The following CHRNB3 variants were observed in gnomAD, a reference collection of about 807,000 sequenced individuals.
CHRNB3 encodes neuronal acetylcholine receptor subunit beta-3.
CHRNB3 carries 37 observed loss-of-function variants against 40.6 expected under a neutral mutation model. The ratio of observed to expected loss-of-function variants is 0.91; its 90% confidence interval spans 0.70 to 1.20. The LOEUF is 1.20. CHRNB3 is among the 50% of genes most tolerant of loss of function. The pLI, the probability that CHRNB3 is intolerant of heterozygous loss-of-function variation, is 0.00. For synonymous variants in CHRNB3, 207 were observed against 207.1 expected (o/e 1.00, Z 0.00); for missense variants, 505 against 551.2 (o/e 0.92, Z 0.84).
At chr8:42,709,025 A>C (rs995902592) in intron 2 of CHRNB3, among the ~76,000 whole-genome samples, 157 bp downstream of exon 2, 1 of 152,178 alleles carries the variant, frequency 6.6e-6, no homozygotes, top group Non-Finnish European at 1.5e-5. Flanking sequence ...AAATGACCCA[A>C]GGAAAGAACG....
At chr8:42,718,853 A>G (rs912899441) in intron 3 of CHRNB3, among the ~76,000 whole-genome samples, 3 of 152,058 alleles carry the variant, frequency 2.0e-5, no homozygotes, top group African/African-American at 7.3e-5. Context: ...GGGATTATAT[A>G]TATTTGATAT....
At chr8:42,708,607 A>G in intron 1 of CHRNB3, 110 bp from the exon 2 acceptor site, 1 of 1,255,162 alleles carries the variant, frequency 8.0e-7, no homozygotes, top group Non-Finnish European at 1.1e-6. Flanking sequence ...GCTGTTTAGA[A>G]ACAGACACAG....
chr8:42,699,051 T>C (rs1815730381), intron 1 of CHRNB3, among the ~76,000 whole-genome samples: 1 of 152,264 alleles, frequency 6.6e-6, no homozygotes, highest in African/African-American at 2.4e-5. Flanking sequence ...CATCTGTATT[T>C]CTAGATCCAT....
At position 42,717,369 on chromosome 8, in the gene CHRNB3, G is replaced by C. The variant is rs546545551; in HGVS notation, c.249+6935G>C. Reference sequence around the variant, plus strand: ...AGCCTGGGTGACAGAGCGAGACTCCGTCTCAAAAAAAAAAAAAAAAAAAAA... The same window carrying C: ...AGCCTGGGTGACAGAGCGAGACTCCCTCTCAAAAAAAAAAAAAAAAAAAAA... On this transcript the variant is annotated intron_variant, in intron 3 of 5. Coordinates refer to ENST00000289957, the MANE Select transcript of CHRNB3 (RefSeq NM_000749.5). Among the ~76,000 whole-genome samples the C allele has an allele frequency of 5.7e-4, 6 of 10,576 alleles. No individual in the cohort carries two copies. The Middle Eastern group carries it at 0.3, about 529-fold the overall frequency. 6.9% of individuals were successfully genotyped at this position (10,576 alleles called of 152,430 possible). A position where few individuals can be genotyped will look rare whatever the true frequency, so the allele number is the denominator to read the frequency against.
chr8:42,734,420 ATTT>A (rs1296315067), intron 5 of CHRNB3, among the ~76,000 whole-genome samples: 1 of 138,618 alleles, frequency 7.2e-6, no homozygotes. Context: ...TGATGAAAGA[ATTT>A]TTTTTTTTTT....
intron 3 of CHRNB3, among the ~76,000 whole-genome samples, chr8:42,726,601 C>T (rs760685247): frequency 2.0e-5 from 3 of 151,724 alleles, no homozygotes; most frequent in Non-Finnish European, 4.4e-5. Flanking sequence ...CAAGTTCAAG[C>T]GGTTCTCCTA....
intron 1 of CHRNB3, chr8:42,705,703 C>G (rs1815910000): frequency 3.9e-5 from 6 of 152,244 alleles, no homozygotes. Flanking sequence ...AAGTGCCTTT[C>G]AAACAATATT....
chr8:42,732,561 G>A lies in CHRNB3; in HGVS notation c.1242+12G>A. The stretch of plus-strand genomic sequence containing the variant: ...ATTTTATCAGCCAGGTGAGTAAACT[G>A]GTATTCCTGATAATGCTGCCGTAAA... On this transcript the variant is annotated intron_variant, in intron 5 of 5. Transcript: ENST00000289957. The A allele has an allele frequency of 6.4e-7, 1 of 1,562,490 alleles. No homozygotes were observed. The highest frequency in any genetic ancestry group is 1.2e-5 in the South Asian group (1 of 80,202).
Position 42,730,957 on chromosome 8 carries a change from A to C in CHRNB3, c.359+254A>C, listed in dbSNP as rs934220215. The stretch of plus-strand genomic sequence containing the variant: ...CAGCTACTCGGGAGGCTGAGGCAGG[A>C]GAATGGCGTGAACCCGGGAAGCGGA... On this transcript the variant is annotated intron_variant, in intron 4 of 5. Transcript: ENST00000289957. Among the ~76,000 whole-genome samples, 13 of 147,398 alleles carry C rather than the reference A, an allele frequency of 8.8e-5. 2 individuals are homozygous for C. The highest frequency in any genetic ancestry group is 2.5e-4 in the African/African-American group (10 of 39,274).
In CHRNB3 at chr8:42,732,321, C is replaced by T; in HGVS notation, c.1014C>T (p.Leu338=). The T allele has an allele frequency of 6.2e-7, 1 of 1,606,606 alleles. No homozygotes were observed. The change falls in exon 5 of 6, where the codon CTC becomes CTT. Residue 338 remains leucine (L), a synonymous_variant. Transcript: ENST00000289957. ...CCATGGCCCCCTGGGTTAAGAGGCT[C>T]TTTCTGCAGAAACTTCCAAAATTAC... is the stretch of plus-strand genomic sequence containing the variant. ...YHPMAPWVKR[L]FLQKLPKLLC...
At chr8:42,722,111 C>T (rs377548970) in intron 3 of CHRNB3, among the ~76,000 whole-genome samples, 12 of 152,234 alleles carry the variant, frequency 7.9e-5, no homozygotes, top group Middle Eastern at 3.4e-3. Context: ...TGGTGGCTCA[C>T]GCCTGTAATC....
intron 5 of CHRNB3, among the ~76,000 whole-genome samples, chr8:42,734,021 G>A (rs139349237): frequency 0.011 from 1,733 of 150,952 alleles, 42 homozygotes; most frequent in African/African-American, 0.04. Context: ...ACTTTGGGAG[G>A]CCAAGGTGAG....
chr8:42,709,718 G>A (rs959051164), intron 2 of CHRNB3, among the ~76,000 whole-genome samples: 1 of 152,178 alleles, frequency 6.6e-6, no homozygotes, highest in Non-Finnish European at 1.5e-5. Context: ...TGCAACCTCC[G>A]TTTCCCAGGT....
At chr8:42,725,767 C>T (rs564863823) in intron 3 of CHRNB3, 28 of 916,872 alleles carry the variant, frequency 3.1e-5, no homozygotes, top group African/African-American at 2.9e-4. Context: ...GACTTGTCCA[C>T]GTTTCAAAAT....
chr8:42,703,989 CT>C (rs957888545), intron 1 of CHRNB3, among the ~76,000 whole-genome samples: 2 of 152,150 alleles, frequency 1.3e-5, no homozygotes, highest in Non-Finnish European at 2.9e-5. Flanking sequence ...TAATCTTTGG[CT>C]TTTTTTATTA....
At chr8:42,708,422 C>T (rs1342194364) in intron 1 of CHRNB3, among the ~76,000 whole-genome samples, 3 of 151,918 alleles carry the variant, frequency 2.0e-5, no homozygotes, top group Admixed American at 6.6e-5. Flanking sequence ...GCCGAGATCG[C>T]GCCAATGCAC....
At position 42,731,948 on chromosome 8, in the gene CHRNB3, G is replaced by T. The variant is rs1425720573; in HGVS notation, c.641G>T (p.Arg214Met). Reference sequence around the variant, plus strand: ...GCAAAGGGGATGAAGGGGAACAGAAGGGACGGCGTGTACTCCTATCCCTTT... The same window carrying T: ...GCAAAGGGGATGAAGGGGAACAGAATGGACGGCGTGTACTCCTATCCCTTT... ...LNAKGMKGNR[R>M]DGVYSYPFIT... is the part of the protein sequence containing the mutation. The change falls in exon 5 of 6, where the codon AGG becomes ATG. Residue 214 changes from arginine (R) to methionine (M), a missense_variant. By Grantham distance (91) the Arg-to-Met change is moderately conservative (BLOSUM62 -1). Coordinates refer to ENST00000289957, the MANE Select transcript of CHRNB3 (RefSeq NM_000749.5). 7 of 1,614,072 alleles carry T rather than the reference G, an allele frequency of 4.3e-6. No homozygotes were observed. Among genetic ancestry groups the T allele is most frequent in the African/African-American group, 2.7e-5 (2 of 74,896 alleles).
chr8:42,729,302 C>T (rs1816362746), intron 3 of CHRNB3, among the ~76,000 whole-genome samples: 1 of 151,848 alleles, frequency 6.6e-6, no homozygotes. Flanking sequence ...CCCAGCTACT[C>T]AGGAGGCTGA....
intron 3 of CHRNB3, among the ~76,000 whole-genome samples, chr8:42,719,085 G>A (rs1816175284): frequency 6.6e-6 from 1 of 152,158 alleles, no homozygotes; most frequent in South Asian, 2.1e-4. Context: ...TGCAAACATG[G>A]AATATTATTT....
Sources: allele counts gnomAD v4.1 joint callset (sites outside exome capture counted in the v4.1 genomes callset), GRCh38; gene constraint gnomAD v4.1.1; transcripts MANE v1.5; gene names NCBI Gene and HGNC (gene_info 2026-07-23, HGNC 2026-07-21).